Variants in HPCAL1 observed in about 807,000 individuals in gnomAD.
HPCAL1 encodes hippocalcin-like protein 1.
In HPCAL1, 8 loss-of-function variants were observed where a neutral mutation model predicts 17.1. The ratio of observed to expected loss-of-function variants is 0.47; its 90% confidence interval spans 0.27 to 0.84. The LOEUF (loss-of-function observed/expected upper bound fraction) is 0.84. Among genes scored for constraint, HPCAL1 ranks in the 40% least tolerant of loss-of-function variants. The probability of loss-of-function intolerance (pLI) is 0.13; values close to 1 mark genes in which losing one functional copy is unlikely to be tolerated. For missense variants in HPCAL1, 165 were observed against 271.1 expected (o/e 0.61, Z 2.75); for synonymous variants, 112 against 111.4 (o/e 1.01, Z -0.03).
rs747432453 is a variant in HPCAL1 at position 10,426,705 on chromosome 2, T to C, written c.485-19T>C. The C allele has an allele frequency of 6.3e-7, 1 of 1,599,038 alleles. No individual in the cohort carries two copies. Among genetic ancestry groups the C allele is most frequent in the East Asian group, 2.2e-5 (1 of 44,802 alleles). On this transcript the variant is annotated intron_variant, in intron 4 of 4. Coordinates refer to ENST00000307845, the MANE Select transcript of HPCAL1 (RefSeq NM_002149.4). ...AACAGTGAGCACTGGCTAATCCCAT[T>C]GTCTCTGGTCCCCTGCAGGCAAACT...
chr2:10,401,199 G>A (rs555009036), intron 2 of HPCAL1, among the ~76,000 whole-genome samples: 1 of 152,280 alleles, frequency 6.6e-6, no homozygotes, highest in East Asian at 1.9e-4. Flanking sequence ...GCCTCTCTAG[G>A]TGGAGTCCAC....
chr2:10,324,681 A>C (rs919311871), intron 1 of HPCAL1, among the ~76,000 whole-genome samples: 3 of 138,606 alleles, frequency 2.2e-5, no homozygotes, highest in Non-Finnish European at 3.0e-5. Context: ...TGAAACTGGG[A>C]GTTCTTGGGT....
intron 1 of HPCAL1, among the ~76,000 whole-genome samples, chr2:10,326,418 C>T (rs1455525376): frequency 6.6e-6 from 1 of 152,198 alleles, no homozygotes; most frequent in African/African-American, 2.4e-5. Context: ...GTGGCTGGGC[C>T]TGCTTCAGAA....
At chr2:10,334,078 C>A (rs577783899) in intron 1 of HPCAL1, among the ~76,000 whole-genome samples, 2 of 152,334 alleles carry the variant, frequency 1.3e-5, no homozygotes, top group East Asian at 3.9e-4. Flanking sequence ...CCCCAGTGAC[C>A]AATAGCCACT....
intron 1 of HPCAL1, among the ~76,000 whole-genome samples, chr2:10,387,595 G>C (rs17487695): frequency 1.3e-5 from 2 of 152,296 alleles, no homozygotes; most frequent in Admixed American, 1.3e-4. Context: ...TTGCTCTTCC[G>C]GTATCATTAC....
intron 1 of HPCAL1, among the ~76,000 whole-genome samples, chr2:10,373,046 G>A (rs1667324213): frequency 1.3e-5 from 2 of 152,256 alleles, no homozygotes; most frequent in Admixed American, 6.5e-5. Flanking sequence ...CTGAGCCCTG[G>A]GCAGTGTTCT....
chr2:10,369,935 G>T (rs1667105747), intron 1 of HPCAL1, among the ~76,000 whole-genome samples: 1 of 152,118 alleles, frequency 6.6e-6, no homozygotes, highest in African/African-American at 2.4e-5. Flanking sequence ...TAACGTTTTG[G>T]AAAAAACAAC....
At position 10,426,931 on chromosome 2, in the gene HPCAL1, C is replaced by A; in HGVS notation, c.*110C>A. The A allele has an allele frequency of 9.6e-7, 1 of 1,044,430 alleles. No homozygotes were observed. The highest frequency in any genetic ancestry group is 1.3e-5 in the South Asian group (1 of 75,000). The allele number at this position is 1,044,430 out of a possible 1,614,324, so 64.7% of individuals were successfully genotyped here. On this transcript the variant is annotated 3_prime_UTR_variant, in exon 5 of 5. Transcript: ENST00000307845. ...CGTTCCTGCTCTCCCGGGCCCCGGG[C>A]CTGGGGCATGCGTTGCACCTGCCCA...
intron 1 of HPCAL1, among the ~76,000 whole-genome samples, chr2:10,314,501 T>C (rs1018006729): frequency 2.6e-5 from 4 of 152,210 alleles, no homozygotes; most frequent in African/African-American, 9.7e-5. Flanking sequence ...TGTGGGAGCA[T>C]TGAAGGTTGG....
chr2:10,380,690 C>A (rs1180537378), intron 1 of HPCAL1, among the ~76,000 whole-genome samples: 3 of 152,004 alleles, frequency 2.0e-5, no homozygotes, highest in Non-Finnish European at 2.9e-5. Context: ...ATTCACTCTT[C>A]AAGTCTCTGT....
At chr2:10,312,365 T>A (rs922498540) in intron 1 of HPCAL1, among the ~76,000 whole-genome samples, 8 of 121,688 alleles carry the variant, frequency 6.6e-5, no homozygotes, top group Non-Finnish European at 1.0e-4. Flanking sequence ...CCCATCATCA[T>A]CACCATCACC....
At chr2:10,336,416 T>A (rs1664727155) in intron 1 of HPCAL1, among the ~76,000 whole-genome samples, 1 of 152,262 alleles carries the variant, frequency 6.6e-6, no homozygotes, top group Non-Finnish European at 1.5e-5. Flanking sequence ...TGCCAATGTA[T>A]ACATCATTTT....
rs10203583 is a variant in HPCAL1 at position 10,331,104 on chromosome 2, C to T, written c.-111+27927C>T. ...GCTCTCCCGGCTGCAGGAGCGGTTTCTCTAAGCCTTGCAAGTGACCGCACC... is the reference window on the plus strand; with the variant it reads ...GCTCTCCCGGCTGCAGGAGCGGTTTTTCTAAGCCTTGCAAGTGACCGCACC... On this transcript the variant is annotated intron_variant, in intron 1 of 4. Coordinates refer to ENST00000307845, the MANE Select transcript of HPCAL1 (RefSeq NM_002149.4). This position sits in a 1 kb window ranked among gnomAD's most constrained non-coding sequence, Gnocchi z 5.0. 6.7e-3 allele frequency among the ~76,000 whole-genome samples: 1,014 copies of T among 152,304 alleles called. 11 individuals are homozygous for T. Among genetic ancestry groups the T allele is most frequent in the African/African-American group, 0.023 (955 of 41,562 alleles).
At position 10,394,372 on chromosome 2, in the gene HPCAL1, G is replaced by T. The variant is rs535380675; in HGVS notation, c.-110-2463G>T. On this transcript the variant is annotated intron_variant, in intron 1 of 4. Transcript: ENST00000307845. This position sits in a 1 kb window ranked among gnomAD's most constrained non-coding sequence, Gnocchi z 5.0. Reference sequence around the variant, plus strand: ...TGGTTCCATTGCTGGGTTTCTCCTCGTGGAGAGCCCTTGACCCTGTCCAGG... The same window carrying T: ...TGGTTCCATTGCTGGGTTTCTCCTCTTGGAGAGCCCTTGACCCTGTCCAGG... Among the ~76,000 whole-genome samples, 1 of 152,052 alleles carries T rather than the reference G, an allele frequency of 6.6e-6. No homozygotes were observed. The highest frequency in any genetic ancestry group is 1.5e-5 in the Non-Finnish European group (1 of 68,010).
intron 2 of HPCAL1, among the ~76,000 whole-genome samples, chr2:10,417,327 CACTCCAACCTG>C (rs1355300185): frequency 2.6e-5 from 4 of 151,378 alleles, no homozygotes; most frequent in Admixed American, 6.6e-5. Flanking sequence ...CGCTCCATTG[CACTCCAACCTG>C]GGTGACAAGA....
Position 10,359,410 on chromosome 2 carries a change from T to C in HPCAL1, c.-110-37425T>C, listed in dbSNP as rs1666384078. 6.6e-6 allele frequency among the ~76,000 whole-genome samples: 1 copy of C among 152,186 alleles called. No individual in the cohort carries two copies. The highest frequency in any genetic ancestry group is 2.1e-4 in the South Asian group (1 of 4,832). ...CAGGCAGGAGACTTCAACGCAGAGATTAAGAAGTTGAGATGTCTTTGTTCC... is the reference window on the plus strand; with the variant it reads ...CAGGCAGGAGACTTCAACGCAGAGACTAAGAAGTTGAGATGTCTTTGTTCC... On this transcript the variant is annotated intron_variant, in intron 1 of 4. Transcript: ENST00000307845. This position sits in a 1 kb window ranked among gnomAD's most constrained non-coding sequence, Gnocchi z 4.1.
chr2:10,420,568 G>C (rs1413075290), intron 3 of HPCAL1, among the ~76,000 whole-genome samples: 5 of 152,052 alleles, frequency 3.3e-5, no homozygotes, highest in African/African-American at 1.2e-4. Flanking sequence ...ACTTTGGAAA[G>C]TGAGCAGTTG....
intron 2 of HPCAL1, among the ~76,000 whole-genome samples, chr2:10,405,243 C>T (rs1341805486): frequency 6.6e-6 from 1 of 152,218 alleles, no homozygotes. Context: ...CAGCAGCACC[C>T]CTCATATACA....
At chr2:10,376,784 C>T (rs959561450) in intron 1 of HPCAL1, among the ~76,000 whole-genome samples, 1 of 151,882 alleles carries the variant, frequency 6.6e-6, no homozygotes, top group African/African-American at 2.4e-5. Context: ...TTAAGTTTGC[C>T]ATAAACAGAA....
Sources: allele counts gnomAD v4.1 joint callset (sites outside exome capture counted in the v4.1 genomes callset), GRCh38; gene constraint gnomAD v4.1.1; non-coding constraint Gnocchi (gnomAD v3.1); transcripts MANE v1.5; gene names NCBI Gene and HGNC (gene_info 2026-07-23, HGNC 2026-07-21).